The following UST variants were observed in gnomAD, a reference collection of about 807,000 sequenced individuals.
The protein encoded by UST is chondroitin sulfate 2-O-sulfotransferase.
Under a neutral mutation model 45.6 loss-of-function variants are expected in UST, and 21 were observed. That is an observed-to-expected ratio of 0.46 (90% confidence interval 0.33 to 0.66). The LOEUF is 0.66. UST is among the 30% of genes least tolerant of loss of function. The pLI, the probability that UST is intolerant of heterozygous loss-of-function variation, is 0.02. For missense variants in UST, 463 were observed against 512.4 expected, an observed-to-expected ratio of 0.90 and a Z score of 0.93; for synonymous variants, 215 against 200.6, an observed-to-expected ratio of 1.07 and a Z score of -0.61.
intron 7 of UST, among the ~76,000 whole-genome samples, chr6:149,069,635 G>C (rs925064246): frequency 6.6e-6 from 1 of 152,192 alleles, no homozygotes; most frequent in African/African-American, 2.4e-5. Context: ...TAACCATAGA[G>C]GAAGGCATTC....
chr6:148,774,665 AT>A (rs1293848958), intron 1 of UST, among the ~76,000 whole-genome samples: 1 of 152,194 alleles, frequency 6.6e-6, no homozygotes, highest in Non-Finnish European at 1.5e-5. Flanking sequence ...AAGCTGAAAA[AT>A]TTGTTACTCA....
intron 2 of UST, among the ~76,000 whole-genome samples, chr6:148,901,770 G>T (rs973834379): frequency 1.3e-5 from 2 of 152,222 alleles, no homozygotes; most frequent in Middle Eastern, 3.4e-3. Context: ...TGTTGGCCAG[G>T]CTGGTCTCGA....
At chr6:148,942,062 A>G (rs755144144) in intron 3 of UST, among the ~76,000 whole-genome samples, 21 of 152,132 alleles carry the variant, frequency 1.4e-4, no homozygotes, top group Non-Finnish European at 2.5e-4. Flanking sequence ...GCAAACCTGT[A>G]TAGAGGTAAG....
At position 148,983,258 on chromosome 6, in the gene UST, A is replaced by T. The variant is rs960131238; in HGVS notation, c.681+18695A>T. Among the ~76,000 whole-genome samples, 2 of 152,188 alleles carry T rather than the reference A, an allele frequency of 1.3e-5. 1 individual carries two copies. Among genetic ancestry groups the T allele is most frequent in the Admixed American group, 1.3e-4 (2 of 15,280 alleles). On this transcript the variant is annotated intron_variant, in intron 5 of 7. Coordinates refer to ENST00000367463, the MANE Select transcript of UST (RefSeq NM_005715.3). Reference sequence around the variant, plus strand: ...CAAAGCTGTGGCAAGAAACAATTAAACATCTTACCAGCGGCTCTTGGAATG... The same window carrying T: ...CAAAGCTGTGGCAAGAAACAATTAATCATCTTACCAGCGGCTCTTGGAATG...
chr6:149,053,659 G>A (rs889295691), intron 7 of UST, among the ~76,000 whole-genome samples: 1 of 152,192 alleles, frequency 6.6e-6, no homozygotes, highest in African/African-American at 2.4e-5. Context: ...GTGAACCGAT[G>A]GTGCTGTATG....
chr6:148,759,822 TG>T (rs1297336539), intron 1 of UST, among the ~76,000 whole-genome samples: 1 of 114,802 alleles, frequency 8.7e-6, no homozygotes. Context: ...TACTCCAGCC[TG>T]GGCGACAGAG....
chr6:148,753,195 G>C (rs1158405868), intron 1 of UST, among the ~76,000 whole-genome samples: 1 of 152,028 alleles, frequency 6.6e-6, no homozygotes, highest in African/African-American at 2.4e-5. Context: ...TAGTTTAATA[G>C]CTTTTAATAT....
intron 1 of UST, among the ~76,000 whole-genome samples, chr6:148,783,004 G>A (rs1776671949): frequency 6.6e-6 from 1 of 152,100 alleles, no homozygotes; most frequent in Non-Finnish European, 1.5e-5. Context: ...ACATCAATGT[G>A]GCAAACTTCG....
chr6:149,021,468 C>T lies in UST; in HGVS notation c.924C>T (p.Ile308=). 6.2e-7 allele frequency: 1 copy of T among 1,614,078 alleles called. No homozygotes were observed. Among genetic ancestry groups the T allele is most frequent in the Non-Finnish European group, 8.5e-7 (1 of 1,180,014 alleles). Residue 308 remains isoleucine (I), a synonymous_variant, in exon 7 of 8, where the codon ATC becomes ATT. Coordinates refer to ENST00000367463, the MANE Select transcript of UST (RefSeq NM_005715.3). Reference sequence around the variant, plus strand: ...ATTACTTCAAGGGCGTGCTCAGTATCTACAAAGACCCAGGTAACTTCATTT... The same window carrying T: ...ATTACTTCAAGGGCGTGCTCAGTATTTACAAAGACCCAGGTAACTTCATTT... ...LPHYFKGVLS[I]YKDPEHRKLG...
At chr6:148,921,354 C>T (rs1395501000) in intron 2 of UST, among the ~76,000 whole-genome samples, 1 of 152,204 alleles carries the variant, frequency 6.6e-6, no homozygotes, top group Non-Finnish European at 1.5e-5. Context: ...ACAGGAGAAT[C>T]GCCCAGAGAT....
At chr6:149,053,649 G>A (rs1037011521) in intron 7 of UST, among the ~76,000 whole-genome samples, 1 of 152,238 alleles carries the variant, frequency 6.6e-6, no homozygotes, top group African/African-American at 2.4e-5. Flanking sequence ...TGATCAGGAG[G>A]TGAACCGATG....
At chr6:148,851,838 C>G (rs1441884078) in intron 1 of UST, among the ~76,000 whole-genome samples, 1 of 152,220 alleles carries the variant, frequency 6.6e-6, no homozygotes, top group East Asian at 1.9e-4. Flanking sequence ...GCTCACTGCT[C>G]CGACAACTTA....
intron 1 of UST, among the ~76,000 whole-genome samples, chr6:148,768,614 A>C (rs748172143): frequency 2.0e-5 from 3 of 152,104 alleles, no homozygotes; most frequent in Non-Finnish European, 4.4e-5. Context: ...TCCCATTGGC[A>C]TTTATTTTGG....
intron 1 of UST, among the ~76,000 whole-genome samples, chr6:148,810,755 T>C (rs1233355752): frequency 1.3e-5 from 2 of 152,162 alleles, no homozygotes; most frequent in Non-Finnish European, 2.9e-5. Context: ...GCCTATAAAA[T>C]TATTACTACC....
At chr6:148,803,683 A>AGTGGTTTT in intron 1 of UST, among the ~76,000 whole-genome samples, 1 of 151,926 alleles carries the variant, frequency 6.6e-6, no homozygotes, top group African/African-American at 2.4e-5. Context: ...CTGCCCCCAA[A>AGTGGTTTT]CCCTCAGAGG....
chr6:148,874,405 A>T (rs1778611981), intron 1 of UST, among the ~76,000 whole-genome samples: 1 of 152,212 alleles, frequency 6.6e-6, no homozygotes, highest in Admixed American at 6.5e-5. Flanking sequence ...ATAGTAAGGG[A>T]AGAGCATTAA....
intron 5 of UST, among the ~76,000 whole-genome samples, chr6:149,000,232 T>C (rs1370069742): frequency 6.6e-6 from 1 of 152,180 alleles, no homozygotes; most frequent in Non-Finnish European, 1.5e-5. Flanking sequence ...TATGCCCTTA[T>C]AAGAGGCTAG....
chr6:148,857,162 C>T (rs975394463), intron 1 of UST, among the ~76,000 whole-genome samples: 3 of 152,012 alleles, frequency 2.0e-5, no homozygotes, highest in Non-Finnish European at 4.4e-5. Flanking sequence ...ATTCAGTGAA[C>T]AGAACTTGGC....
At chr6:148,798,082 A>G (rs1562261237) in intron 1 of UST, among the ~76,000 whole-genome samples, 1 of 152,136 alleles carries the variant, frequency 6.6e-6, no homozygotes, top group African/African-American at 2.4e-5. Context: ...CAAGAGATTG[A>G]GGTGGAGGCT....
Sources: allele counts gnomAD v4.1 joint callset (sites outside exome capture counted in the v4.1 genomes callset), GRCh38; gene constraint gnomAD v4.1.1; transcripts MANE v1.5; gene names NCBI Gene and HGNC (gene_info 2026-07-23, HGNC 2026-07-21).